UBR7: variants seen among roughly 807,000 people sequenced by gnomAD.
UBR7 encodes ubiquitin protein ligase E3 component n-recognin 7.
A neutral mutation model predicts 57.0 loss-of-function variants in UBR7; 22 were observed. The ratio of observed to expected loss-of-function variants is 0.39; its 90% CI spans 0.28 to 0.55. The LOEUF (loss-of-function observed/expected upper bound fraction) is 0.55, where lower values mean the gene tolerates loss of function less well. UBR7 is among the 20% of genes least tolerant of loss of function. The pLI is 0.69. For missense variants in UBR7, 395 were observed against 513.2 expected (o/e 0.77, Z 2.23); for synonymous variants, 167 against 179.8 (o/e 0.93, Z 0.57).
At chr14:93,214,272 C>A (rs912621054) in intron 4 of UBR7, among the ~76,000 whole-genome samples, 1 of 152,196 alleles carries the variant, frequency 6.6e-6, no homozygotes, top group Non-Finnish European at 1.5e-5. Flanking sequence ...ACAGCTCCTC[C>A]TGTTCCACAA....
intron 1 of UBR7, among the ~76,000 whole-genome samples, chr14:93,207,842 A>T (rs1408318845): frequency 3.9e-5 from 6 of 152,148 alleles, no homozygotes; most frequent in Non-Finnish European, 8.8e-5. Flanking sequence ...TTTATTAGGG[A>T]CCGAATGGGA....
rs569620779 is a variant in UBR7, at chr14:93,222,094, A to T, written c.1124-219A>T. Among the ~76,000 whole-genome samples, 13 of 151,968 alleles carry T rather than the reference A, an allele frequency of 8.6e-5. No homozygotes were observed. In the East Asian group the frequency reaches 2.3e-3, roughly 27 times the overall value. On this transcript the variant is annotated intron_variant, in intron 9 of 10. Transcript: ENST00000013070. Reference sequence around the variant, plus strand: ...GATATCTCTGCTTTTTATGCTTTTTAAAAAATTTTGCTTTTTTTTTTTTTA... The same window carrying T: ...GATATCTCTGCTTTTTATGCTTTTTTAAAAATTTTGCTTTTTTTTTTTTTA...
At chr14:93,223,761 G>T (rs376327091) in intron 10 of UBR7, 3 of 752,526 alleles carry the variant, frequency 4.0e-6, no homozygotes, top group East Asian at 2.5e-5. Flanking sequence ...TCAGGATCTC[G>T]ATGGAATGGG....
At chr14:93,215,332 T>C in intron 6 of UBR7, 51 bp downstream of exon 6, 1 of 1,451,066 alleles carries the variant, frequency 6.9e-7, no homozygotes, top group Non-Finnish European at 9.5e-7. Flanking sequence ...TTGTGAAATT[T>C]GTATGTTCAA....
chr14:93,223,438 C>G (rs1351948399), intron 10 of UBR7, among the ~76,000 whole-genome samples: 1 of 150,444 alleles, frequency 6.6e-6, no homozygotes, highest in African/African-American at 2.4e-5. Context: ...CGGCTTGTAC[C>G]TGTAGTTTCA....
intron 4 of UBR7, among the ~76,000 whole-genome samples, chr14:93,213,783 A>G (rs1485470999): frequency 1.3e-5 from 2 of 152,152 alleles, no homozygotes; most frequent in Non-Finnish European, 2.9e-5. Context: ...TTGAAAGAGT[A>G]CTTTTTGTCT....
At chr14:93,209,032 T>C (rs1327581937) in intron 1 of UBR7, among the ~76,000 whole-genome samples, 2 of 152,184 alleles carry the variant, frequency 1.3e-5, no homozygotes, top group Non-Finnish European at 2.9e-5. Flanking sequence ...AGGTTGGTCT[T>C]GAACTCCTGA....
At chr14:93,215,040 A>G (rs1293008013) in intron 5 of UBR7, 58 bp downstream of exon 5, 1 of 1,482,792 alleles carries the variant, frequency 6.7e-7, no homozygotes, top group Non-Finnish European at 9.3e-7. Context: ...TAAAGGTTAT[A>G]TTTTACATTA....
Position 93,223,514 on chromosome 14 carries a change from G to A in UBR7, c.1185+1140G>A, listed in dbSNP as rs113938832. 9.3e-5 allele frequency: 57 copies of A among 615,410 alleles called. No individual in the cohort carries two copies. In the African/African-American group the frequency reaches 9.7e-4, roughly 10 times the overall value. The allele number at this position is 615,410 out of a possible 1,614,324, so 38.1% of individuals were successfully genotyped here. On this transcript the variant is annotated intron_variant, in intron 10 of 10. Coordinates refer to ENST00000013070, the MANE Select transcript of UBR7 (RefSeq NM_175748.4). ...ATGTCATCTCTGTCTACCTACTTTA[G>A]GTCATTTTTTCCTTTTTTTTCTTTT...
At chr14:93,218,389 C>A (rs910723907) in intron 6 of UBR7, 138 bp from the exon 7 acceptor site, 2 of 774,856 alleles carry the variant, frequency 2.6e-6, no homozygotes, top group Admixed American at 2.4e-5. Flanking sequence ...CCAGTGTGGA[C>A]GACAGAGTGA....
chr14:93,223,166 G>A (rs1222627971), intron 10 of UBR7, among the ~76,000 whole-genome samples: 2 of 152,110 alleles, frequency 1.3e-5, no homozygotes, highest in African/African-American at 4.8e-5. Flanking sequence ...GGAGGCTGAG[G>A]TGGGTGGATC....
Position 93,218,662 on chromosome 14 carries a change from A to G in UBR7, c.737A>G (p.Asp246Gly), listed in dbSNP as rs754198156. The part of the protein sequence containing the change: ...LKEDVPEQGK[D>G]DVREVKVEQN... ...GAGGATGTTCCAGAACAGGGAAAGG[A>G]TGATGTCCGGGAGGTTAAAGTAGAG... The change falls in exon 7 of 11, where the codon GAT (aspartate) becomes GGT (glycine). Residue 246 changes from aspartate (D) to glycine (G), a missense_variant. Coordinates refer to ENST00000013070, the MANE Select transcript of UBR7 (RefSeq NM_175748.4). The G allele has an allele frequency of 6.2e-7, 1 of 1,614,146 alleles. No homozygotes were observed. The highest frequency in any genetic ancestry group is 8.5e-7 in the Non-Finnish European group (1 of 1,180,036).
chr14:93,218,421 A>AAAT, intron 6 of UBR7, 106 bp from the exon 7 acceptor site: 3 of 1,029,988 alleles, frequency 2.9e-6, no homozygotes, highest in Non-Finnish European at 4.3e-6. Flanking sequence ...TAAAAAAAAA[A>AAAT]AATAATAATA....
intron 7 of UBR7, 26 bp from the exon 8 acceptor site, chr14:93,219,186 T>C: frequency 2.5e-6 from 4 of 1,612,836 alleles, no homozygotes; most frequent in Non-Finnish European, 3.4e-6. Context: ...TTAAAAAACA[T>C]GCTTCAAAAC....
At position 93,228,122 on chromosome 14, in the gene UBR7, G is replaced by T. The variant is rs1894901822; in HGVS notation, c.*1087G>T. The T allele has an allele frequency of 3.0e-6, 2 of 658,658 alleles. No individual in the cohort carries two copies. The highest frequency in any genetic ancestry group is 5.6e-6 in the Non-Finnish European group (2 of 358,878). The allele number at this position is 658,658 out of a possible 1,614,324, so 40.8% of individuals were successfully genotyped here. On this transcript the variant is annotated 3_prime_UTR_variant, in exon 11 of 11. Coordinates refer to ENST00000013070, the MANE Select transcript of UBR7 (RefSeq NM_175748.4). Reference sequence around the variant, plus strand: ...GAGATTACAAACAAGGCCCGAGGCTGCACGAATGATGAGTTTTGTGTATAT... The same window carrying T: ...GAGATTACAAACAAGGCCCGAGGCTTCACGAATGATGAGTTTTGTGTATAT...
rs762154782 is a variant in UBR7, at chr14:93,209,814, G to A, written c.151-10G>A. The A allele has an allele frequency of 6.2e-7, 1 of 1,613,164 alleles. No individual in the cohort carries two copies. The highest frequency in any genetic ancestry group is 8.5e-7 in the Non-Finnish European group (1 of 1,179,548). On this transcript the variant is annotated splice_polypyrimidine_tract_variant and intron_variant, in intron 1 of 10. Coordinates refer to ENST00000013070, the MANE Select transcript of UBR7 (RefSeq NM_175748.4). ...ACATTAATTCTCTTTTCCATTTTGG[G>A]GGCTTTCAGGGCTCAGTAAAGAGAC... is the stretch of plus-strand genomic sequence containing the variant.
intron 3 of UBR7, among the ~76,000 whole-genome samples, 173 bp downstream of exon 3, chr14:93,210,881 G>A (rs1305745746): frequency 6.6e-6 from 1 of 152,144 alleles, no homozygotes; most frequent in Non-Finnish European, 1.5e-5. Flanking sequence ...AAACTGTTGA[G>A]AGCCTACAAG....
chr14:93,213,091 T>C (rs750295106), intron 4 of UBR7, among the ~76,000 whole-genome samples: 1 of 152,042 alleles, frequency 6.6e-6, no homozygotes, highest in Non-Finnish European at 1.5e-5. Flanking sequence ...TAAGCTGGGA[T>C]TGCGGCACTG....
At chr14:93,225,396 G>A (rs1243595331) in intron 10 of UBR7, among the ~76,000 whole-genome samples, 1 of 151,082 alleles carries the variant, frequency 6.6e-6, no homozygotes, top group Non-Finnish European at 1.5e-5. Flanking sequence ...GGAGGCTAAG[G>A]TGGGAGGATT....
Sources: gnomAD v4.1 joint callset for allele counts (sites outside exome capture counted in the v4.1 genomes callset) on GRCh38, gnomAD v4.1.1 for gene constraint, MANE v1.5 for transcripts, NCBI Gene and HGNC (gene_info 2026-07-23, HGNC 2026-07-21) for gene names.